TCF7L2: variants seen among roughly 807,000 people sequenced by gnomAD.
The protein encoded by TCF7L2 is transcription factor 7-like 2.
TCF7L2 carries 23 observed loss-of-function variants against 77.9 expected under a neutral mutation model. The ratio of observed to expected loss-of-function variants is 0.30; its 90% CI spans 0.21 to 0.42. The LOEUF (loss-of-function observed/expected upper bound fraction) is 0.42, where lower values mean the gene tolerates loss of function less well. TCF7L2 is among the 10% of genes least tolerant of loss of function. The pLI, the probability that TCF7L2 is intolerant of heterozygous loss-of-function variation, is 1.00. For missense variants in TCF7L2, 654 were observed against 793.1 expected (o/e 0.82, Z 2.11); for synonymous variants, 413 against 340.2 (o/e 1.21, Z -2.36).
intron 5 of TCF7L2, among the ~76,000 whole-genome samples, chr10:113,054,344 G>A (rs986317505): frequency 2.6e-5 from 4 of 152,196 alleles, no homozygotes; most frequent in African/African-American, 7.2e-5. Flanking sequence ...GCTATGTGTA[G>A]TCACTCCCTA....
chr10:112,965,629 A>ATGTGTGTGTGTG (rs59587175), intron 4 of TCF7L2, among the ~76,000 whole-genome samples: 7 of 137,322 alleles, frequency 5.1e-5, no homozygotes, highest in African/African-American at 1.9e-4. Context: ...GTGTGTGTAT[A>ATGTGTGTGTGTG]TGTGTGTGTG....
At chr10:113,051,971 G>A (rs113419303) in intron 5 of TCF7L2, among the ~76,000 whole-genome samples, 24 of 152,264 alleles carry the variant, frequency 1.6e-4, no homozygotes, top group African/African-American at 5.1e-4. Context: ...AACCTGTATC[G>A]TGTAGTCTCC....
At chr10:113,024,306 AC>A (rs2048746626) in intron 4 of TCF7L2, among the ~76,000 whole-genome samples, 1 of 151,954 alleles carries the variant, frequency 6.6e-6, no homozygotes, top group Non-Finnish European at 1.5e-5. Flanking sequence ...TCACAACAAA[AC>A]AAAACAAACA....
intron 5 of TCF7L2, among the ~76,000 whole-genome samples, chr10:113,043,671 A>T (rs1171791699): frequency 6.6e-6 from 1 of 151,750 alleles, no homozygotes; most frequent in Non-Finnish European, 1.5e-5. Flanking sequence ...AAGTTCCAAG[A>T]CACCCCCACC....
intron 13 of TCF7L2, among the ~76,000 whole-genome samples, chr10:113,164,895 TG>T (rs1382183846): frequency 2.6e-5 from 4 of 152,214 alleles, no homozygotes; most frequent in Non-Finnish European, 4.4e-5. Flanking sequence ...GAAAGCTCTC[TG>T]GGCGCCAGCA....
At chr10:113,016,211 C>T (rs778041387) in intron 4 of TCF7L2, among the ~76,000 whole-genome samples, 1 of 151,934 alleles carries the variant, frequency 6.6e-6, no homozygotes, top group Non-Finnish European at 1.5e-5. Context: ...ATTACAGGCA[C>T]GTGCTACCAT....
At chr10:113,158,925 A>G (rs1372445687) in intron 12 of TCF7L2, among the ~76,000 whole-genome samples, 7 of 87,916 alleles carry the variant, frequency 8.0e-5, no homozygotes, top group South Asian at 3.3e-4. Context: ...TTGTTTATTT[A>G]TTTTTCCCAT....
intron 4 of TCF7L2, among the ~76,000 whole-genome samples, chr10:113,037,791 C>G (rs575498857): frequency 6.6e-6 from 1 of 152,276 alleles, no homozygotes; most frequent in Non-Finnish European, 1.5e-5. Flanking sequence ...CCAGCTCTCC[C>G]CACTGAGGGA....
chr10:113,122,203 C>T (rs538168211), intron 5 of TCF7L2, among the ~76,000 whole-genome samples: 1 of 152,256 alleles, frequency 6.6e-6, no homozygotes, highest in South Asian at 2.1e-4. Flanking sequence ...ATTTTTTAAC[C>T]TAGAACATAA....
intron 4 of TCF7L2, among the ~76,000 whole-genome samples, chr10:113,035,861 A>T (rs2051096928): frequency 6.6e-6 from 1 of 152,234 alleles, no homozygotes; most frequent in Non-Finnish European, 1.5e-5. Context: ...CTTTCGAGTT[A>T]CAATGGCTGA....
chr10:113,065,118 G>A (rs2057072877), intron 5 of TCF7L2, among the ~76,000 whole-genome samples: 1 of 152,246 alleles, frequency 6.6e-6, no homozygotes. Flanking sequence ...GGGCCAGGCA[G>A]AGCTCCAGTT....
intron 6 of TCF7L2, among the ~76,000 whole-genome samples, chr10:113,142,818 G>A (rs1471354714): frequency 2.0e-5 from 3 of 152,190 alleles, no homozygotes; most frequent in African/African-American, 4.8e-5. Context: ...TATGATTAAC[G>A]TCTGTGGACT....
chr10:113,025,665 G>T (rs7074440), intron 4 of TCF7L2, among the ~76,000 whole-genome samples: 1 of 152,032 alleles, frequency 6.6e-6, no homozygotes, highest in African/African-American at 2.4e-5. Flanking sequence ...ACAGGTGTGA[G>T]TCACCGCTCC....
chr10:113,073,766 T>A (rs2058375901), intron 5 of TCF7L2, among the ~76,000 whole-genome samples: 1 of 152,034 alleles, frequency 6.6e-6, no homozygotes, highest in Non-Finnish European at 1.5e-5. Flanking sequence ...TCTCCTTTTT[T>A]ATTTGCTTCC....
intron 5 of TCF7L2, among the ~76,000 whole-genome samples, chr10:113,083,353 C>T (rs1224386296): frequency 1.3e-5 from 2 of 151,518 alleles, no homozygotes; most frequent in African/African-American, 4.9e-5. Flanking sequence ...CACACATGCT[C>T]ACATTAAAAA....
intron 5 of TCF7L2, among the ~76,000 whole-genome samples, chr10:113,083,431 G>A (rs2059519199): frequency 6.6e-6 from 1 of 152,204 alleles, no homozygotes; most frequent in African/African-American, 2.4e-5. Flanking sequence ...GGTCTGGGGA[G>A]GAACTGGGCT....
intron 5 of TCF7L2, among the ~76,000 whole-genome samples, chr10:113,065,145 G>A (rs748798372): frequency 2.6e-5 from 4 of 152,220 alleles, no homozygotes; most frequent in South Asian, 2.1e-4. Context: ...CACTGTGGCC[G>A]CTCTGGTACC....
intron 5 of TCF7L2, among the ~76,000 whole-genome samples, chr10:113,051,479 T>G (rs1214299033): frequency 1.3e-5 from 2 of 152,248 alleles, no homozygotes; most frequent in Non-Finnish European, 2.9e-5. Flanking sequence ...ACATGCTTTT[T>G]CTTTTGGATT....
At chr10:113,107,458 T>C (rs1357440022) in intron 5 of TCF7L2, among the ~76,000 whole-genome samples, 1 of 151,928 alleles carries the variant, frequency 6.6e-6, no homozygotes, top group African/African-American at 2.4e-5. Context: ...AGACATCAAG[T>C]TGCGGCCGGG....
Sources: allele counts gnomAD v4.1 joint callset (sites outside exome capture counted in the v4.1 genomes callset), GRCh38; gene constraint gnomAD v4.1.1; transcripts MANE v1.5; gene names NCBI Gene and HGNC (gene_info 2026-07-23, HGNC 2026-07-21).